The following LMBRD1 variants were observed in gnomAD, a reference collection of about 807,000 sequenced individuals.
LMBRD1 encodes the protein lysosomal cobalamin transport escort protein LMBD1.
Under a neutral mutation model 74.8 loss-of-function variants are expected in LMBRD1, and 64 were observed. That is an observed-to-expected ratio of 0.86 (90% CI 0.70 to 1.05). LMBRD1 has a LOEUF of 1.05. Among genes scored for constraint, LMBRD1 ranks in the 50% least tolerant of loss-of-function variants. The pLI is 0.00. For missense variants in LMBRD1, 652 were observed against 645.9 expected, an observed-to-expected ratio of 1.01 and a Z score of -0.10; for synonymous variants, 204 against 216.3, an observed-to-expected ratio of 0.94 and a Z score of 0.50.
chr6:69,778,621 C>A (rs1428741535), intron 3 of LMBRD1, among the ~76,000 whole-genome samples: 1 of 152,160 alleles, frequency 6.6e-6, no homozygotes, highest in Non-Finnish European at 1.5e-5. Flanking sequence ...ACTTTAGTGT[C>A]ATACAGGTGA....
chr6:69,756,823 A>G (rs1253436054), intron 3 of LMBRD1, among the ~76,000 whole-genome samples: 1 of 152,188 alleles, frequency 6.6e-6, no homozygotes, highest in African/African-American at 2.4e-5. Context: ...GTTTTTGCAC[A>G]ATCTAAACTA....
chr6:69,709,877 G>A (rs1223394409), intron 9 of LMBRD1, among the ~76,000 whole-genome samples: 1 of 152,112 alleles, frequency 6.6e-6, no homozygotes, highest in Non-Finnish European at 1.5e-5. Flanking sequence ...AAACATTCCT[G>A]AGAGAAATTT....
intron 7 of LMBRD1, among the ~76,000 whole-genome samples, chr6:69,733,264 A>C (rs950795286): frequency 1.3e-5 from 2 of 152,306 alleles, no homozygotes; most frequent in African/African-American, 4.8e-5. Flanking sequence ...AATTAAGATT[A>C]AACCTATTCT....
rs558533867 is a variant in LMBRD1 at position 69,755,318 on chromosome 6, A to T, written c.308-2962T>A. On this transcript the variant is annotated intron_variant, in intron 3 of 15. Coordinates refer to ENST00000649934, the MANE Select transcript of LMBRD1 (RefSeq NM_018368.4). ...AGCTGGAAGCCATCATTCTCAGCAA[A>T]CTAACACAGGAAACAGAAAACCAAA... Among the ~76,000 whole-genome samples, 4 of 152,306 alleles carry T rather than the reference A, an allele frequency of 2.6e-5. No homozygotes were observed. The South Asian group carries it at 6.2e-4, about 24-fold the overall frequency.
rs773738182 is a variant in LMBRD1 at position 69,701,529 on chromosome 6, G to A, written c.997C>T (p.His333Tyr). The A allele has an allele frequency of 2.5e-6, 4 of 1,599,964 alleles. No individual in the cohort carries two copies. The highest frequency in any genetic ancestry group is 3.4e-4 in the Middle Eastern group (2 of 5,926). ...AAACCAGAATCTATTCCAGCTGAAT[G>A]AAGAGCTTTATCTAAACTAAAAAAA... ...LFLSNLDKAL[H>Y]SAGIDSGFII... is the part of the protein sequence containing the mutation. The change falls in exon 11 of 16, where the codon CAT becomes TAT. Residue 333 changes from histidine to tyrosine, a missense_variant. Physicochemically the swap from His to Tyr is moderately conservative, Grantham distance 83 (BLOSUM62 2). This residue lies in a region of LMBRD1 where 598 missense variants were observed against 581.8 expected (regional missense o/e 1.03). Coordinates refer to ENST00000649934, the MANE Select transcript of LMBRD1 (RefSeq NM_018368.4).
intron 9 of LMBRD1, among the ~76,000 whole-genome samples, chr6:69,707,029 C>G (rs1030882179): frequency 4.6e-5 from 7 of 152,174 alleles, no homozygotes; most frequent in African/African-American, 1.7e-4. Context: ...GAAAGAAATA[C>G]TTTCATGCTC....
At chr6:69,757,122 C>T (rs1765283634) in intron 3 of LMBRD1, among the ~76,000 whole-genome samples, 2 of 152,078 alleles carry the variant, frequency 1.3e-5, no homozygotes, top group African/African-American at 4.8e-5. Flanking sequence ...ACATAAAAGA[C>T]GATCACACAG....
intron 3 of LMBRD1, among the ~76,000 whole-genome samples, chr6:69,774,742 A>C (rs1436748715): frequency 2.6e-5 from 4 of 152,076 alleles, no homozygotes; most frequent in Non-Finnish European, 5.9e-5. Flanking sequence ...TAGCAGGTCT[A>C]AATACAAAAT....
intron 8 of LMBRD1, among the ~76,000 whole-genome samples, chr6:69,716,241 T>C (rs1353957201): frequency 2.0e-5 from 3 of 152,214 alleles, no homozygotes; most frequent in Non-Finnish European, 2.9e-5. Flanking sequence ...ACCAACAGTG[T>C]TTAAGCCTTC....
At chr6:69,725,339 TCACACA>T (rs111747887) in intron 7 of LMBRD1, among the ~76,000 whole-genome samples, 30,237 of 148,012 alleles carry the variant, frequency 0.2, 3,058 homozygotes, top group Non-Finnish European at 0.23. Context: ...ATGACAATCT[TCACACA>T]CACACACACA....
chr6:69,709,954 TAA>T (rs1215607357), intron 9 of LMBRD1, among the ~76,000 whole-genome samples: 2 of 152,190 alleles, frequency 1.3e-5, no homozygotes, highest in African/African-American at 4.8e-5. Flanking sequence ...AATTTATCTA[TAA>T]GAGTGAAAGT....
chr6:69,747,617 T>A (rs1283791621), intron 5 of LMBRD1, among the ~76,000 whole-genome samples: 1 of 152,184 alleles, frequency 6.6e-6, no homozygotes, highest in Admixed American at 6.5e-5. Flanking sequence ...ACCATCAACA[T>A]CTGGTATGTA....
At chr6:69,678,772 C>G (rs762963421) in intron 14 of LMBRD1, among the ~76,000 whole-genome samples, 22 of 152,018 alleles carry the variant, frequency 1.4e-4, no homozygotes, top group Admixed American at 3.9e-4. Flanking sequence ...TCTCTCAAAA[C>G]ATAAAATTGA....
chr6:69,699,245 T>C (rs1329813016), intron 12 of LMBRD1, 53 bp from the exon 13 acceptor site: 1 of 1,465,988 alleles, frequency 6.8e-7, no homozygotes, highest in African/African-American at 1.4e-5. Flanking sequence ...TTATAAAGCA[T>C]TAAATCCTTT....
At chr6:69,718,877 A>T (rs1766550495) in intron 8 of LMBRD1, 79 bp downstream of exon 8, 1 of 1,474,062 alleles carries the variant, frequency 6.8e-7, no homozygotes, top group East Asian at 2.3e-5. Context: ...TGGGGTTGAC[A>T]ATGTCTAAGT....
intron 3 of LMBRD1, among the ~76,000 whole-genome samples, chr6:69,759,009 T>C (rs773810662): frequency 6.6e-6 from 1 of 152,132 alleles, no homozygotes; most frequent in Non-Finnish European, 1.5e-5. Flanking sequence ...AGTGGCCTGG[T>C]AGAAATCATA....
At chr6:69,767,161 C>A (rs1046180843) in intron 3 of LMBRD1, among the ~76,000 whole-genome samples, 2 of 151,286 alleles carry the variant, frequency 1.3e-5, no homozygotes, top group African/African-American at 4.9e-5. Context: ...TTTCAAAGAA[C>A]CTACTTTGGT....
intron 8 of LMBRD1, among the ~76,000 whole-genome samples, chr6:69,715,324 T>C (rs903841964): frequency 3.3e-5 from 5 of 152,082 alleles, no homozygotes; most frequent in Non-Finnish European, 7.4e-5. Flanking sequence ...AGTAAACTGA[T>C]TAAAGGATCC....
At position 69,771,089 on chromosome 6, in the gene LMBRD1, T is replaced by A. The variant is rs77542346; in HGVS notation, c.307+9405A>T. ...TATCTACTACCATGTAAGAGGCTAC[T>A]CAAAACTTAGTGGTTTAAAAAAACA... On this transcript the variant is annotated intron_variant, in intron 3 of 15. Transcript: ENST00000649934. Among the ~76,000 whole-genome samples the A allele has an allele frequency of 7.0e-3, 1,073 of 152,312 alleles. 22 individuals are homozygous for A. In the East Asian group the frequency reaches 0.079, roughly 11 times the overall value.
Sources: gnomAD v4.1 joint callset for allele counts (sites outside exome capture counted in the v4.1 genomes callset) on GRCh38, gnomAD v4.1.1 for gene constraint, gnomAD v4.1.1 regional missense constraint, MANE v1.5 for transcripts, NCBI Gene and HGNC (gene_info 2026-07-23, HGNC 2026-07-21) for gene names.